Variants in SPATA9 observed in about 807,000 individuals in gnomAD.
SPATA9 encodes the protein spermatogenesis associated 9.
In SPATA9, 27 loss-of-function variants were observed where a neutral mutation model predicts 25.5. The ratio of observed to expected loss-of-function variants is 1.06; its 90% confidence interval spans 0.78 to 1.46. The LOEUF (loss-of-function observed/expected upper bound fraction) is 1.46, where lower values mean the gene tolerates loss of function less well. SPATA9 is among the 40% of genes most tolerant of loss of function. The pLI, the probability that SPATA9 is intolerant of heterozygous loss-of-function variation, is 0.00. For synonymous variants in SPATA9, 102 were observed against 105.7 expected, an observed-to-expected ratio of 0.97 and a Z score of 0.21; for missense variants, 282 against 297.5, an observed-to-expected ratio of 0.95 and a Z score of 0.38.
upstream of SPATA9, among the ~76,000 whole-genome samples, chr5:95,703,031 CT>C (rs1391388764): frequency 6.6e-6 from 1 of 152,280 alleles, no homozygotes; most frequent in East Asian, 1.9e-4. Flanking sequence ...TTTCATTTGA[CT>C]AAGTCTAACT....
At chr5:95,687,831 T>A (rs1753785797), upstream of SPATA9, among the ~76,000 whole-genome samples, 1 of 152,200 alleles carries the variant, frequency 6.6e-6, no homozygotes, top group African/African-American at 2.4e-5. Flanking sequence ...ATAAGTTCCC[T>A]GAGTTCTGGA....
chr5:95,658,508 CT>C lies in SPATA9; in HGVS notation c.*114del, dbSNP rs200414539. 3.6e-5 allele frequency: 48 copies of C among 1,333,724 alleles called. 1 individual carries two copies. Among genetic ancestry groups the C allele is most frequent in the Middle Eastern group, 2.6e-4 (1 of 3,876 alleles). 82.6% of individuals were successfully genotyped at this position (1,333,724 alleles called of 1,614,324 possible). On this transcript the variant is annotated 3_prime_UTR_variant, in exon 5 of 5. Coordinates refer to ENST00000274432, the MANE Select transcript of SPATA9 (RefSeq NM_031952.4). Reference sequence around the variant, plus strand: ...GACATTTTAATAGTAGCCCCCTTCTCTTTTTTTTAAGAAAGCAGAGCAATTC... The same window carrying C: ...GACATTTTAATAGTAGCCCCCTTCTCTTTTTTTAAGAAAGCAGAGCAATTC...
chr5:95,705,608 T>C, the SPATA9 span, among the ~76,000 whole-genome samples: 1 of 152,164 alleles, frequency 6.6e-6, no homozygotes, highest in African/African-American at 2.4e-5. Flanking sequence ...TAATATAACT[T>C]TATAAAAAGA....
intron 2 of SPATA9, among the ~76,000 whole-genome samples, chr5:95,680,023 G>A (rs1363621902): frequency 6.6e-5 from 10 of 152,120 alleles, no homozygotes; most frequent in Admixed American, 4.6e-4. Context: ...TCAGCCTCCC[G>A]AGGAGCTGGG....
chr5:95,678,789 T>C (rs1207091134), intron 2 of SPATA9, among the ~76,000 whole-genome samples: 1 of 152,184 alleles, frequency 6.6e-6, no homozygotes, highest in Non-Finnish European at 1.5e-5. Context: ...AACAACGGAG[T>C]ATTAGTAATG....
chr5:95,714,888 GA>G, the SPATA9 span, among the ~76,000 whole-genome samples: 1 of 152,038 alleles, frequency 6.6e-6, no homozygotes, highest in Non-Finnish European at 1.5e-5. Context: ...GAACATTAAA[GA>G]AGACTTAAAT....
At chr5:95,655,960 AC>A (rs1222792865), downstream of SPATA9, 23 of 1,288,540 alleles carry the variant, frequency 1.8e-5, no homozygotes, top group Non-Finnish European at 2.3e-5. Context: ...TGTTTTTTTA[AC>A]CTGGTTCTTC....
the SPATA9 span, among the ~76,000 whole-genome samples, chr5:95,721,031 A>C: frequency 1.2e-4 from 19 of 152,360 alleles, no homozygotes; most frequent in African/African-American, 3.8e-4. Flanking sequence ...AACATGACAC[A>C]TCCCTTAATT....
chr5:95,667,664 T>G (rs1751953474), intron 3 of SPATA9, among the ~76,000 whole-genome samples: 1 of 152,206 alleles, frequency 6.6e-6, no homozygotes. Flanking sequence ...AGCTTGTGAA[T>G]ATATGAATTC....
intron 4 of SPATA9, among the ~76,000 whole-genome samples, chr5:95,661,549 A>G (rs1331120061): frequency 1.3e-5 from 2 of 152,264 alleles, no homozygotes; most frequent in East Asian, 3.9e-4. Flanking sequence ...GTGTTAGTCT[A>G]GTTTTTATTT....
chr5:95,672,481 A>C (rs1752498520), intron 3 of SPATA9, among the ~76,000 whole-genome samples: 1 of 151,618 alleles, frequency 6.6e-6, no homozygotes, highest in East Asian at 2.1e-4. Flanking sequence ...TTAAATAAAC[A>C]AAACTCTGAA....
chr5:95,703,630 A>G (rs372744119), upstream of SPATA9, among the ~76,000 whole-genome samples: 1 of 151,666 alleles, frequency 6.6e-6, no homozygotes, highest in African/African-American at 2.4e-5. Flanking sequence ...GTGAGAGCCC[A>G]TCTCAAAAAA....
intron 1 of SPATA9, among the ~76,000 whole-genome samples, chr5:95,689,706 C>T (rs940389438): frequency 6.6e-6 from 1 of 151,994 alleles, no homozygotes; most frequent in African/African-American, 2.4e-5. Flanking sequence ...TAAGAGAAGA[C>T]CCAATTAGAA....
chr5:95,656,588 G>A (rs184688721), downstream of SPATA9: 20 of 215,196 alleles, frequency 9.3e-5, no homozygotes, highest in East Asian at 1.4e-3. Context: ...TAAATTTGGA[G>A]TAAACAAATA....
chr5:95,732,066 C>A, the SPATA9 span: 3 of 1,614,042 alleles, frequency 1.9e-6, no homozygotes, highest in Non-Finnish European at 2.5e-6. Flanking sequence ...AGCTGGTGGT[C>A]CACGACTGTC....
chr5:95,731,174 G>A, the SPATA9 span: 6 of 1,008,150 alleles, frequency 6.0e-6, no homozygotes, highest in African/African-American at 1.7e-5. Flanking sequence ...GTGTCCAGCC[G>A]CCGCCACCGG....
the SPATA9 span, among the ~76,000 whole-genome samples, chr5:95,712,670 A>G: frequency 1.3e-5 from 2 of 152,162 alleles, no homozygotes; most frequent in East Asian, 1.9e-4. Context: ...CCACTTGAAG[A>G]TGTTGAATCA....
At chr5:95,693,002 A>G (rs1361983856) in intron 1 of SPATA9, among the ~76,000 whole-genome samples, 1 of 152,238 alleles carries the variant, frequency 6.6e-6, no homozygotes, top group African/African-American at 2.4e-5. Context: ...TAAATATATT[A>G]CTGAAAAAGA....
chr5:95,704,844 T>C, the SPATA9 span, among the ~76,000 whole-genome samples: 2 of 152,138 alleles, frequency 1.3e-5, no homozygotes, highest in African/African-American at 4.8e-5. Flanking sequence ...AAGGGAAGAA[T>C]GCTGCATCCT....
Sources: allele counts gnomAD v4.1 joint callset (sites outside exome capture counted in the v4.1 genomes callset), GRCh38; gene constraint gnomAD v4.1.1; transcripts MANE v1.5; gene names NCBI Gene and HGNC (gene_info 2026-07-23, HGNC 2026-07-21).